NT5C2: variants seen among roughly 807,000 people sequenced by gnomAD.
The protein encoded by NT5C2 is cytosolic purine 5'-nucleotidase.
A neutral mutation model predicts 76.1 loss-of-function variants in NT5C2; 58 were observed. The ratio of observed to expected loss-of-function variants is 0.76; its 90% CI spans 0.62 to 0.95. The LOEUF (loss-of-function observed/expected upper bound fraction) is 0.95, where lower values mean the gene tolerates loss of function less well. Among genes scored for constraint, NT5C2 ranks in the 40% least tolerant of loss-of-function variants. The pLI, the probability that NT5C2 is intolerant of heterozygous loss-of-function variation, is 0.00. For missense variants in NT5C2, 478 were observed against 690.3 expected (o/e 0.69, Z 3.45); for synonymous variants, 229 against 237.4 (o/e 0.96, Z 0.32).
chr10:103,157,414 TTGA>T (rs2083655308), intron 3 of NT5C2, among the ~76,000 whole-genome samples: 1 of 152,152 alleles, frequency 6.6e-6, no homozygotes, highest in Admixed American at 6.5e-5. Flanking sequence ...ACTAAATATG[TTGA>T]TGATGTCAGG....
chr10:103,090,515 G>A (rs1429295573), intron 18 of NT5C2, 96 bp downstream of exon 18: 10 of 1,142,494 alleles, frequency 8.8e-6, no homozygotes, highest in Middle Eastern at 3.0e-4. Flanking sequence ...ACATCAGAAA[G>A]AAATGTTCAA....
chr10:103,181,831 C>T (rs1369460880), intron 1 of NT5C2, among the ~76,000 whole-genome samples: 2 of 151,656 alleles, frequency 1.3e-5, no homozygotes, highest in Non-Finnish European at 2.9e-5. Flanking sequence ...ATGATGAAAC[C>T]CTGTCTCTAC....
intron 3 of NT5C2, among the ~76,000 whole-genome samples, chr10:103,166,963 T>G (rs1263071940): frequency 6.6e-6 from 1 of 152,050 alleles, no homozygotes; most frequent in Non-Finnish European, 1.5e-5. Context: ...ACAGTTTTGA[T>G]GTTCTACCTT....
intron 1 of NT5C2, among the ~76,000 whole-genome samples, chr10:103,192,957 G>C (rs1554851313): frequency 1.3e-5 from 2 of 152,166 alleles, no homozygotes; most frequent in Non-Finnish European, 2.9e-5. Context: ...AATGGCGCGA[G>C]CGTGACGTGG....
chr10:103,130,295 CAG>C (rs2077881166), intron 4 of NT5C2, among the ~76,000 whole-genome samples: 1 of 151,824 alleles, frequency 6.6e-6, no homozygotes, highest in Non-Finnish European at 1.5e-5. Flanking sequence ...TGTGTCCACT[CAG>C]GGTTAAATGG....
intron 3 of NT5C2, chr10:103,146,172 G>A (rs2081443154): frequency 7.1e-6 from 7 of 985,274 alleles, no homozygotes; most frequent in Non-Finnish European, 8.4e-6. Context: ...CCTGAATCAG[G>A]CCCCTCAAAA....
chr10:103,142,231 T>C (rs945930741), intron 3 of NT5C2, among the ~76,000 whole-genome samples: 2 of 152,120 alleles, frequency 1.3e-5, no homozygotes, highest in African/African-American at 4.8e-5. Context: ...ATTAGGGAAT[T>C]TGGACTTTAT....
rs1591728991 is a variant in NT5C2 at position 103,171,868 on chromosome 10, G to A, written c.101+2990C>T. Among the ~76,000 whole-genome samples the A allele has an allele frequency of 3.9e-5, 6 of 152,194 alleles. No individual in the cohort carries two copies. In the South Asian group the frequency reaches 1.2e-3, roughly 32 times the overall value. On this transcript the variant is annotated intron_variant, in intron 3 of 18. Coordinates refer to ENST00000404739, the MANE Select transcript of NT5C2 (RefSeq NM_001351169.2). ...GAGCCCAGGCATTTGAGACCAACCT[G>A]AGCAACACAGCAAGACCCCGTCTCT...
At chr10:103,131,250 A>C (rs1417438254) in intron 4 of NT5C2, among the ~76,000 whole-genome samples, 1 of 152,252 alleles carries the variant, frequency 6.6e-6, no homozygotes, top group Non-Finnish European at 1.5e-5. Flanking sequence ...TAATCTATCT[A>C]TGCTGTAAGG....
rs2068869513 is a variant in NT5C2, at chr10:103,098,988, G to A, written c.634-4C>T. On this transcript the variant is annotated splice_polypyrimidine_tract_variant and splice_region_variant and intron_variant, in intron 9 of 18. Coordinates refer to ENST00000404739, the MANE Select transcript of NT5C2 (RefSeq NM_001351169.2). ...CTGTCTTTTCCTTAAGGGAGCCCTG[G>A]AGGAAGACAAAAAAAAGAATTAAGA... is the stretch of plus-strand genomic sequence containing the variant. 6.3e-7 allele frequency: 1 copy of A among 1,599,818 alleles called. No homozygotes were observed. The highest frequency in any genetic ancestry group is 1.7e-5 in the Admixed American group (1 of 58,802).
In NT5C2 at chr10:103,128,904, G is replaced by A. The variant is rs1189214929; in HGVS notation, c.175+10502C>T. 1.6e-4 allele frequency among the ~76,000 whole-genome samples: 15 copies of A among 91,736 alleles called. 1 individual carries two copies. The highest frequency in any genetic ancestry group is 9.3e-4 in the East Asian group (2 of 2,158). The allele number at this position is 91,736 out of a possible 152,430, so 60.2% of individuals were successfully genotyped here. On this transcript the variant is annotated intron_variant, in intron 4 of 18. Transcript: ENST00000404739. ...CGTCTGAGAAGTGAGGAGCCTCTCC[G>A]CCCGGCAGCCACCCCATCTGGGAAG...
chr10:103,118,606 G>T (rs1180970620), intron 4 of NT5C2, among the ~76,000 whole-genome samples: 1 of 151,880 alleles, frequency 6.6e-6, no homozygotes, highest in Non-Finnish European at 1.5e-5. Flanking sequence ...CATCTGCCTC[G>T]GCCTCCCAAA....
chr10:103,157,687 C>T lies in NT5C2; in HGVS notation c.101+17171G>A, dbSNP rs118041803. ...TTATTCAAGATAGACCACAGAGTAGCCCATAAACCAAGACACAGTAAATTT... is the reference window on the plus strand; with the variant it reads ...TTATTCAAGATAGACCACAGAGTAGTCCATAAACCAAGACACAGTAAATTT... On this transcript the variant is annotated intron_variant, in intron 3 of 18. Coordinates refer to ENST00000404739, the MANE Select transcript of NT5C2 (RefSeq NM_001351169.2). Among the ~76,000 whole-genome samples, 732 of 152,194 alleles carry T rather than the reference C, an allele frequency of 4.8e-3. 21 individuals carry two copies. In the East Asian group the frequency reaches 0.073, roughly 15 times the overall value.
At chr10:103,146,925 T>C (rs986075088) in intron 3 of NT5C2, among the ~76,000 whole-genome samples, 1 of 152,254 alleles carries the variant, frequency 6.6e-6, no homozygotes, top group Non-Finnish European at 1.5e-5. Context: ...TGAACATTTG[T>C]TGCTAACCCA....
intron 3 of NT5C2, among the ~76,000 whole-genome samples, chr10:103,156,996 G>A (rs2083551795): frequency 6.6e-6 from 1 of 151,802 alleles, no homozygotes; most frequent in Admixed American, 6.6e-5. Flanking sequence ...GTCTCCCAAA[G>A]TTGGTAGGTA....
chr10:103,146,558 TTTACTTAATAGAAAATGC>T, intron 3 of NT5C2: 1 of 440,208 alleles, frequency 2.3e-6, no homozygotes, highest in Non-Finnish European at 3.0e-6. Flanking sequence ...TATGCATATT[TTTACTTAATAGAAAATGC>T]TATAATGTGG....
chr10:103,185,996 T>C (rs2091968405), intron 1 of NT5C2, among the ~76,000 whole-genome samples: 2 of 152,314 alleles, frequency 1.3e-5, no homozygotes, highest in Middle Eastern at 6.8e-3. Context: ...CTAAGCAGCA[T>C]AGTACATATT....
chr10:103,136,052 A>C (rs1001372650), intron 4 of NT5C2, among the ~76,000 whole-genome samples: 4 of 151,956 alleles, frequency 2.6e-5, no homozygotes, highest in African/African-American at 7.3e-5. Flanking sequence ...GCACCATTGC[A>C]CTCCAGCCTG....
chr10:103,091,051 C>G lies in NT5C2; in HGVS notation c.1212-55G>C. 1.3e-5 allele frequency: 20 copies of G among 1,488,718 alleles called. No individual in the cohort carries two copies. In the South Asian group the frequency reaches 2.3e-4, roughly 17 times the overall value. The allele number at this position is 1,488,718 out of a possible 1,614,324, so 92.2% of individuals were successfully genotyped here. Reference sequence around the variant, plus strand: ...TCTCTGGGAAGAGCTTTTTTTTATTCTTTAAGACAGTCTCATTCTGTCACT... The same window carrying G: ...TCTCTGGGAAGAGCTTTTTTTTATTGTTTAAGACAGTCTCATTCTGTCACT... On this transcript the variant is annotated intron_variant, in intron 16 of 18. Transcript: ENST00000404739.
Sources: allele counts gnomAD v4.1 joint callset (sites outside exome capture counted in the v4.1 genomes callset), GRCh38; gene constraint gnomAD v4.1.1; transcripts MANE v1.5; gene names NCBI Gene and HGNC (gene_info 2026-07-23, HGNC 2026-07-21).